Variants in FBXW10 observed in about 807,000 individuals in gnomAD.
FBXW10 encodes the protein F-box and WD repeat domain containing 10.
Under a neutral mutation model 113.1 loss-of-function variants are expected in FBXW10, and 68 were observed. The ratio of observed to expected loss-of-function variants is 0.60; its 90% confidence interval spans 0.49 to 0.74. FBXW10 has a LOEUF of 0.74. Among genes scored for constraint, FBXW10 ranks in the 30% least tolerant of loss-of-function variants. FBXW10 has a pLI of 0.00. For synonymous variants in FBXW10, 289 were observed against 481.6 expected, an observed-to-expected ratio of 0.60 and a Z score of 5.24; for missense variants, 753 against 1,284.5, an observed-to-expected ratio of 0.59 and a Z score of 6.32.
chr17:18,749,148 A>G (rs1036652069), intron 2 of FBXW10, among the ~76,000 whole-genome samples: 9 of 152,114 alleles, frequency 5.9e-5, no homozygotes, highest in African/African-American at 1.9e-4. Context: ...GAGTATTTTT[A>G]AGAAAATTCC....
intron 11 of FBXW10, among the ~76,000 whole-genome samples, chr17:18,770,402 C>T (rs1309736571): frequency 1.3e-5 from 2 of 151,804 alleles, no homozygotes; most frequent in South Asian, 2.1e-4. Flanking sequence ...CTCCCGGGTT[C>T]AAGCAATTCT....
intron 7 of FBXW10, among the ~76,000 whole-genome samples, chr17:18,760,308 G>A (rs1385690560): frequency 6.6e-6 from 1 of 152,182 alleles, no homozygotes; most frequent in Non-Finnish European, 1.5e-5. Flanking sequence ...TATATACATA[G>A]GAGATTTACT....
intron 12 of FBXW10, among the ~76,000 whole-genome samples, chr17:18,773,993 A>C (rs574427490): frequency 1.3e-5 from 2 of 152,250 alleles, no homozygotes; most frequent in Non-Finnish European, 2.9e-5. Context: ...ACAAAGGCTA[A>C]CATACAGATG....
Position 18,771,189 on chromosome 17 carries a change from C to T in FBXW10, c.2006+1104C>T, listed in dbSNP as rs147924107. On this transcript the variant is annotated intron_variant, in intron 11 of 13. Transcript: ENST00000395665. Reference sequence around the variant, plus strand: ...GTGTTTTTCTTTCGGCTTGAGTGAACGTAAGTCTAAAAGGGATTTCTTATT... The same window carrying T: ...GTGTTTTTCTTTCGGCTTGAGTGAATGTAAGTCTAAAAGGGATTTCTTATT... Among the ~76,000 whole-genome samples, 192 of 151,822 alleles carry T rather than the reference C, an allele frequency of 1.3e-3. 2 individuals carry two copies. Among genetic ancestry groups the T allele is most frequent in the African/African-American group, 4.4e-3 (181 of 41,386 alleles).
intron 13 of FBXW10, among the ~76,000 whole-genome samples, chr17:18,775,615 G>A (rs1019834658): frequency 6.6e-6 from 1 of 152,206 alleles, no homozygotes. Context: ...AGGCAGTTGA[G>A]GCTGGTTTCA....
At chr17:18,744,911 C>G (rs2035011929) in intron 1 of FBXW10, 162 bp downstream of exon 1, 1 of 1,458,646 alleles carries the variant, frequency 6.9e-7, no homozygotes, top group East Asian at 2.5e-5. Flanking sequence ...GACACCCGAT[C>G]CTGTTTACCA....
chr17:18,745,083 C>G, intron 1 of FBXW10: 1 of 1,227,314 alleles, frequency 8.1e-7, no homozygotes, highest in South Asian at 1.8e-5. Context: ...GTCGTTCCTG[C>G]TTTAGGGATT....
At chr17:18,771,339 A>G (rs11489009) in intron 11 of FBXW10, among the ~76,000 whole-genome samples, 78,830 of 151,940 alleles carry the variant, frequency 0.52, 21,325 homozygotes, top group Non-Finnish European at 0.59. Context: ...ACCTGTGCAG[A>G]GTATTTTCAT....
chr17:18,761,085 C>T (rs1374162508), intron 7 of FBXW10, among the ~76,000 whole-genome samples: 1 of 152,108 alleles, frequency 6.6e-6, no homozygotes. Context: ...GAGGTGCTAT[C>T]TTTATCACAT....
At chr17:18,772,286 A>G in intron 11 of FBXW10, 126 bp from the exon 12 acceptor site, 1 of 840,908 alleles carries the variant, frequency 1.2e-6, no homozygotes, top group Non-Finnish European at 1.9e-6. Flanking sequence ...CTACACTACT[A>G]GTCTGTTTGG....
At position 18,766,751 on chromosome 17, in the gene FBXW10, T is replaced by C; in HGVS notation, c.1593T>C (p.Phe531=). 1 of 1,613,772 alleles carries C rather than the reference T, an allele frequency of 6.2e-7. No homozygotes were observed. Among genetic ancestry groups the C allele is most frequent in the Admixed American group, 1.7e-5 (1 of 59,998 alleles). ...DVDTGKCLKT[F]RHKDPILATR... The stretch of plus-strand genomic sequence containing the variant: ...ACACAGGGAAGTGCCTGAAGACGTT[T>C]AGACACAAAGACCCCATCTTGGCCA... The change falls in exon 9 of 14, where the codon TTT becomes TTC. Residue 531 remains phenylalanine (F), a synonymous_variant. Transcript: ENST00000395665.
chr17:18,775,760 G>C (rs1214169509), intron 13 of FBXW10, among the ~76,000 whole-genome samples: 1 of 152,196 alleles, frequency 6.6e-6, no homozygotes, highest in Admixed American at 6.5e-5. Flanking sequence ...GGGCATAGTG[G>C]CTCATGCCTG....
At chr17:18,748,244 C>A in intron 2 of FBXW10, 139 bp downstream of exon 2, 1 of 1,422,842 alleles carries the variant, frequency 7.0e-7, no homozygotes, top group Non-Finnish European at 9.3e-7. Flanking sequence ...ACGGTGAAAC[C>A]CCGTCTCTAC....
chr17:18,762,098 G>A (rs2035396288), intron 7 of FBXW10, among the ~76,000 whole-genome samples: 1 of 151,792 alleles, frequency 6.6e-6, no homozygotes, highest in Non-Finnish European at 1.5e-5. Context: ...GAGTAGCTGG[G>A]ACTACAGGCG....
intron 7 of FBXW10, among the ~76,000 whole-genome samples, chr17:18,761,507 C>T (rs866747939): frequency 9.2e-5 from 14 of 152,214 alleles, no homozygotes; most frequent in East Asian, 5.8e-4. Context: ...CCTCGTGATT[C>T]GCCCGCCTCG....
At chr17:18,762,216 C>G (rs2035399617) in intron 7 of FBXW10, among the ~76,000 whole-genome samples, 1 of 152,054 alleles carries the variant, frequency 6.6e-6, no homozygotes, top group South Asian at 2.1e-4. Context: ...CCCGCCTCGG[C>G]CTCCCAAAGT....
In FBXW10 at chr17:18,744,619, T is replaced by C. The variant is rs1567613094; in HGVS notation, c.375T>C (p.Phe125=). 1 of 1,613,994 alleles carries C rather than the reference T, an allele frequency of 6.2e-7. No individual in the cohort carries two copies. The highest frequency in any genetic ancestry group is 2.2e-5 in the East Asian group (1 of 44,884). ...EQKMKEILYW[F]ANSTQWTKAN... ...AGATGAAAGAGATCTTGTACTGGTT[T>C]GCGAACAGCACCCAGTGGACCAAGG... The change falls in exon 1 of 14, where the codon TTT becomes TTC. Residue 125 remains phenylalanine, a synonymous_variant. Coordinates refer to ENST00000395665, the MANE Select transcript of FBXW10 (RefSeq NM_001267585.2).
intron 9 of FBXW10, among the ~76,000 whole-genome samples, 173 bp from the exon 10 acceptor site, chr17:18,768,361 C>G (rs1036664159): frequency 7.2e-5 from 11 of 152,098 alleles, no homozygotes; most frequent in Non-Finnish European, 1.6e-4. Flanking sequence ...CCACCGCACC[C>G]GGCCTCCATC....
intron 11 of FBXW10, among the ~76,000 whole-genome samples, chr17:18,770,814 G>A (rs144354447): frequency 6.6e-6 from 1 of 152,170 alleles, no homozygotes; most frequent in African/African-American, 2.4e-5. Context: ...AGCAGCAGGG[G>A]GTACAGTGGG....
Sources: gnomAD v4.1 joint callset for allele counts (sites outside exome capture counted in the v4.1 genomes callset) on GRCh38, gnomAD v4.1.1 for gene constraint, MANE v1.5 for transcripts, NCBI Gene and HGNC (gene_info 2026-07-23, HGNC 2026-07-21) for gene names.